DACH2: variants seen among roughly 807,000 people sequenced by gnomAD.
DACH2 encodes dachshund homolog 2.
In DACH2, 17 loss-of-function variants were observed where a neutral mutation model predicts 35.8. That is an observed-to-expected ratio of 0.48 (90% confidence interval 0.33 to 0.71). The LOEUF is 0.71. Among genes scored for constraint, DACH2 ranks in the 30% least tolerant of loss-of-function variants. DACH2 has a pLI of 0.02. For synonymous variants in DACH2, 195 were observed against 177.3 expected, an observed-to-expected ratio of 1.10 and a Z score of -0.79; for missense variants, 469 against 472.7, an observed-to-expected ratio of 0.99 and a Z score of 0.07.
chrX:86,629,748 T>A (rs1273128055), intron 3 of DACH2, among the ~76,000 whole-genome samples: 1 of 109,236 alleles, frequency 9.2e-6, no homozygotes, highest in Non-Finnish European at 1.9e-5. Context: ...TTAGCCAGGC[T>A]TAGTGTCACA....
At chrX:86,733,796 T>C (rs1244235656) in intron 6 of DACH2, among the ~76,000 whole-genome samples, 9 of 111,379 alleles carry the variant, frequency 8.1e-5, no homozygotes, top group Non-Finnish European at 1.7e-4. Flanking sequence ...TGATAGGAAA[T>C]GGTCACACGG....
intron 2 of DACH2, among the ~76,000 whole-genome samples, chrX:86,384,936 G>A (rs2036102015): frequency 9.0e-6 from 1 of 111,662 alleles, no homozygotes; most frequent in African/African-American, 3.2e-5. Context: ...TAAAAAGATT[G>A]TGAACTGATT....
intron 3 of DACH2, among the ~76,000 whole-genome samples, chrX:86,532,236 G>C (rs1413176331): frequency 8.9e-6 from 1 of 111,976 alleles, no homozygotes; most frequent in African/African-American, 3.2e-5. Context: ...TTAAGATTTT[G>C]GGGTACTGTT....
At chrX:86,444,223 C>T (rs2037220028) in intron 2 of DACH2, among the ~76,000 whole-genome samples, 1 of 111,534 alleles carries the variant, frequency 9.0e-6, no homozygotes, top group South Asian at 3.7e-4. Flanking sequence ...ATAGCTAGCA[C>T]TACAGGCACA....
At chrX:86,597,409 G>T (rs1439525409) in intron 3 of DACH2, among the ~76,000 whole-genome samples, 1 of 111,521 alleles carries the variant, frequency 9.0e-6, no homozygotes, top group African/African-American at 3.3e-5. Flanking sequence ...AATTTTCCTT[G>T]TGATCTCATC....
intron 1 of DACH2, among the ~76,000 whole-genome samples, chrX:86,325,903 C>G (rs1008800553): frequency 4.6e-5 from 5 of 108,585 alleles, no homozygotes; most frequent in Non-Finnish European, 7.6e-5. Flanking sequence ...TTGGTTAAAT[C>G]AGTTAAATCA....
intron 7 of DACH2, among the ~76,000 whole-genome samples, chrX:86,764,934 G>T (rs1161671085): frequency 8.9e-6 from 1 of 111,988 alleles, no homozygotes; most frequent in Non-Finnish European, 1.9e-5. Flanking sequence ...TTACTGGTAA[G>T]ATTATATCCC....
intron 6 of DACH2, among the ~76,000 whole-genome samples, chrX:86,715,581 AAAT>A (rs1442529726): frequency 9.0e-6 from 1 of 111,637 alleles, no homozygotes; most frequent in African/African-American, 3.3e-5. Context: ...CTTACTCAAC[AAAT>A]ATTATACCCT....
intron 3 of DACH2, among the ~76,000 whole-genome samples, chrX:86,544,314 G>A (rs1334832878): frequency 9.0e-6 from 1 of 110,502 alleles, no homozygotes; most frequent in Non-Finnish European, 1.9e-5. Context: ...TACTGTACCA[G>A]ACAACAATCC....
chrX:86,380,282 G>A lies in DACH2; in HGVS notation c.527+3420G>A, dbSNP rs1290061713. Among the ~76,000 whole-genome samples, 4 of 110,171 alleles carry A rather than the reference G, an allele frequency of 3.6e-5. No individual in the cohort carries two copies. In the East Asian group the frequency reaches 1.1e-3, roughly 32 times the overall value. On this transcript the variant is annotated intron_variant, in intron 2 of 11. Coordinates refer to ENST00000373125, the MANE Select transcript of DACH2 (RefSeq NM_053281.3). ...CAGATGGTTATATGATTTACCCAAGGTCATACAGCCTATAAATACCAGGGA... is the reference window on the plus strand; with the variant it reads ...CAGATGGTTATATGATTTACCCAAGATCATACAGCCTATAAATACCAGGGA...
intron 1 of DACH2, among the ~76,000 whole-genome samples, chrX:86,296,196 G>T (rs1051674700): frequency 9.5e-6 from 1 of 105,026 alleles, no homozygotes; most frequent in Admixed American, 1.0e-4. Flanking sequence ...TGGCTAACAC[G>T]GTGAAACCCC....
At chrX:86,385,249 G>T (rs919409581) in intron 2 of DACH2, among the ~76,000 whole-genome samples, 2 of 111,181 alleles carry the variant, frequency 1.8e-5, no homozygotes, top group African/African-American at 6.5e-5. Context: ...GTATAAAGAA[G>T]GTAGTAGTTT....
chrX:86,540,136 G>A (rs2038860793), intron 3 of DACH2, among the ~76,000 whole-genome samples: 1 of 111,965 alleles, frequency 8.9e-6, no homozygotes, highest in African/African-American at 3.2e-5. Flanking sequence ...AATATTATTT[G>A]ATTTTTCTAT....
chrX:86,236,300 A>G (rs2033055917), intron 1 of DACH2, among the ~76,000 whole-genome samples: 1 of 112,352 alleles, frequency 8.9e-6, no homozygotes, highest in Non-Finnish European at 1.9e-5. Context: ...CTCAAACAGC[A>G]ACGTCTTGTA....
chrX:86,546,788 A>G (rs1326680559), intron 3 of DACH2, among the ~76,000 whole-genome samples: 1 of 110,051 alleles, frequency 9.1e-6, no homozygotes, highest in Non-Finnish European at 1.9e-5. Context: ...TGCTGGAATT[A>G]CAGGCTTCAG....
At chrX:86,537,259 C>T (rs980859118) in intron 3 of DACH2, among the ~76,000 whole-genome samples, 1 of 111,331 alleles carries the variant, frequency 9.0e-6, no homozygotes, top group African/African-American at 3.3e-5. Flanking sequence ...TTAGCAAAGA[C>T]TTGAGGTGAC....
intron 4 of DACH2, among the ~76,000 whole-genome samples, chrX:86,691,647 C>T (rs2041011697): frequency 9.0e-6 from 1 of 111,296 alleles, no homozygotes; most frequent in African/African-American, 3.3e-5. Context: ...CATGTGAGGA[C>T]ATAGGGGAAA....
intron 1 of DACH2, among the ~76,000 whole-genome samples, chrX:86,228,795 A>C (rs2032884679): frequency 9.0e-6 from 1 of 110,757 alleles, no homozygotes; most frequent in African/African-American, 3.3e-5. Flanking sequence ...TCCTTAGCCC[A>C]CTTTTTGATG....
chrX:86,398,152 C>T (rs2036339614), intron 2 of DACH2, among the ~76,000 whole-genome samples: 1 of 111,927 alleles, frequency 8.9e-6, no homozygotes, highest in Non-Finnish European at 1.9e-5. Context: ...TCCATTTCTC[C>T]TAGATTTTCT....
Sources: allele counts gnomAD v4.1 joint callset (sites outside exome capture counted in the v4.1 genomes callset), GRCh38; gene constraint gnomAD v4.1.1; transcripts MANE v1.5; gene names NCBI Gene and HGNC (gene_info 2026-07-23, HGNC 2026-07-21).